IRAG1: variants seen among roughly 807,000 people sequenced by gnomAD.
The protein encoded by IRAG1 is inositol 1,4,5-triphosphate receptor associated 1.
IRAG1 carries 62 observed loss-of-function variants against 106.2 expected under a neutral mutation model. The ratio of observed to expected loss-of-function variants is 0.58; its 90% CI spans 0.48 to 0.72. IRAG1 has a LOEUF of 0.72. IRAG1 is among the 30% of genes least tolerant of loss of function. IRAG1 has a pLI of 0.00. For synonymous variants in IRAG1, 462 were observed against 443.9 expected (o/e 1.04, Z -0.51); for missense variants, 1,064 against 1,140.7 (o/e 0.93, Z 0.97).
rs1850803644 is a variant in IRAG1, at chr11:10,576,218, A to G, written c.*114T>C. The G allele has an allele frequency of 1.4e-6, 2 of 1,391,280 alleles. No individual in the cohort carries two copies. The highest frequency in any genetic ancestry group is 2.0e-6 in the Non-Finnish European group (2 of 1,017,578). 86.2% of individuals were successfully genotyped at this position (1,391,280 alleles called of 1,614,324 possible). On this transcript the variant is annotated 3_prime_UTR_variant, in exon 21 of 21. Coordinates refer to ENST00000423302, the MANE Select transcript of IRAG1 (RefSeq NM_130385.4). Reference sequence around the variant, plus strand: ...CCGAGTGTTAAAAGAACCCTTCCTCATGACCTGATGGGATGGGCGGCAGTG... The same window carrying G: ...CCGAGTGTTAAAAGAACCCTTCCTCGTGACCTGATGGGATGGGCGGCAGTG...
rs1369930245 is a variant in IRAG1, at chr11:10,634,054, T to C, written c.243A>G (p.Gly81=). ...SPAGQGPPAA[G]VSCSPTPTIV... is the part of the protein sequence containing the mutation. ...TCGTGGGAGTTGGACTGCAAGATAC[T>C]CCTGCGGCAGGAGGACCCTGCCGGT... Residue 81 remains glycine (G), a synonymous_variant, in exon 3 of 21, where the codon GGA becomes GGG. Transcript: ENST00000423302. The C allele has an allele frequency of 6.2e-7, 1 of 1,610,562 alleles. No homozygotes were observed. The highest frequency in any genetic ancestry group is 2.2e-5 in the East Asian group (1 of 44,798).
chr11:10,660,971 C>A (rs1254333362), intron 1 of IRAG1, among the ~76,000 whole-genome samples: 1 of 152,224 alleles, frequency 6.6e-6, no homozygotes, highest in African/African-American at 2.4e-5. Context: ...TGTCTCCTTA[C>A]CTCTGGCCTG....
At chr11:10,620,244 T>C (rs911289424) in intron 10 of IRAG1, among the ~76,000 whole-genome samples, 9 of 152,116 alleles carry the variant, frequency 5.9e-5, no homozygotes, top group African/African-American at 2.2e-4. Context: ...ATTGAAATAA[T>C]AGAAGACTTC....
intron 2 of IRAG1, among the ~76,000 whole-genome samples, chr11:10,645,018 C>T (rs1345432685): frequency 6.6e-6 from 1 of 152,116 alleles, no homozygotes; most frequent in Non-Finnish European, 1.5e-5. Context: ...GGGAGAAGGC[C>T]GTGGGAGAAC....
chr11:10,684,524 G>T (rs1458555352), intron 1 of IRAG1, among the ~76,000 whole-genome samples: 1 of 151,280 alleles, frequency 6.6e-6, no homozygotes, highest in African/African-American at 2.4e-5. Context: ...GAGTTAATGG[G>T]TGCAGCACAC....
chr11:10,672,353 G>A (rs754090290), intron 1 of IRAG1, among the ~76,000 whole-genome samples: 4 of 152,050 alleles, frequency 2.6e-5, no homozygotes, highest in African/African-American at 7.2e-5. Flanking sequence ...ACTTCATCGC[G>A]ATACAAAAAA....
In IRAG1 at chr11:10,629,693, A is replaced by G. The variant is rs776738586; in HGVS notation, c.419T>C (p.Ile140Thr). The change falls in exon 5 of 21, where the codon ATT (isoleucine) becomes ACT (threonine). Residue 140 changes from isoleucine (I) to threonine (T), a missense_variant. Ile to Thr is a moderately conservative substitution (Grantham distance 89). Coordinates refer to ENST00000423302, the MANE Select transcript of IRAG1 (RefSeq NM_130385.4). Reference protein sequence around the residue: ...LTSVDPAGHIIDLVNDQLPDI... With the variant: ...LTSVDPAGHITDLVNDQLPDI... ...TGGCAGCTGGTCATTCACCAGGTCA[A>G]TGATGTGCCCCGCGGGGTCTGCAGA... is the stretch of plus-strand genomic sequence containing the variant. 1.9e-6 allele frequency: 3 copies of G among 1,613,758 alleles called. No individual in the cohort carries two copies. Among genetic ancestry groups the G allele is most frequent in the East Asian group, 2.2e-5 (1 of 44,884 alleles).
At chr11:10,692,361 T>C (rs541475368) in intron 1 of IRAG1, among the ~76,000 whole-genome samples, 3 of 152,280 alleles carry the variant, frequency 2.0e-5, no homozygotes, top group South Asian at 2.1e-4. Context: ...GTTAGAGTCA[T>C]ACAAACTCAT....
At chr11:10,644,820 G>A (rs952591756) in intron 2 of IRAG1, among the ~76,000 whole-genome samples, 22 of 152,144 alleles carry the variant, frequency 1.4e-4, no homozygotes, top group African/African-American at 5.1e-4. Context: ...GGCAGCACAC[G>A]GTTCCCAAGG....
intron 2 of IRAG1, among the ~76,000 whole-genome samples, chr11:10,644,482 C>T (rs1857783485): frequency 6.6e-6 from 1 of 152,152 alleles, no homozygotes; most frequent in Admixed American, 6.5e-5. Flanking sequence ...AATTCAAAAT[C>T]CTCGATGGGA....
At chr11:10,651,097 C>T (rs1233766447) in intron 2 of IRAG1, among the ~76,000 whole-genome samples, 1 of 152,160 alleles carries the variant, frequency 6.6e-6, no homozygotes, top group African/African-American at 2.4e-5. Context: ...AGGACAATAC[C>T]ATTTCAATGC....
chr11:10,683,139 G>T (rs529371921), intron 1 of IRAG1, among the ~76,000 whole-genome samples: 2 of 152,262 alleles, frequency 1.3e-5, no homozygotes, highest in East Asian at 3.9e-4. Flanking sequence ...AGTGGTGCTG[G>T]TTCATGTATT....
At chr11:10,651,369 C>T (rs1025924492) in intron 2 of IRAG1, among the ~76,000 whole-genome samples, 5 of 152,140 alleles carry the variant, frequency 3.3e-5, no homozygotes, top group Admixed American at 2.0e-4. Flanking sequence ...ATGTGAAGAG[C>T]GAGTTACTAT....
intron 1 of IRAG1, among the ~76,000 whole-genome samples, chr11:10,678,093 T>C (rs1001951484): frequency 6.6e-6 from 1 of 152,238 alleles, no homozygotes; most frequent in Admixed American, 6.5e-5. Flanking sequence ...TAGACATTCG[T>C]GTTGTTTCCT....
intron 2 of IRAG1, among the ~76,000 whole-genome samples, chr11:10,650,245 C>T (rs867416051): frequency 1.3e-5 from 2 of 152,252 alleles, no homozygotes; most frequent in Middle Eastern, 3.4e-3. Flanking sequence ...GTCTAAGTGA[C>T]AGGTGTCTAT....
intron 1 of IRAG1, among the ~76,000 whole-genome samples, chr11:10,653,270 A>G (rs1040318399): frequency 2.6e-5 from 4 of 152,194 alleles, no homozygotes; most frequent in African/African-American, 4.8e-5. Context: ...CTGCAGAGAA[A>G]CAGAACTGGA....
rs527518306 is a variant in IRAG1, at chr11:10,607,627, G to T, written c.1572-855C>A. ...TGCTGGGGCGGGGAGGCCTGGGAGGGGTCCTACCAGCGTCACAGAACTTGG... is the reference window on the plus strand; with the variant it reads ...TGCTGGGGCGGGGAGGCCTGGGAGGTGTCCTACCAGCGTCACAGAACTTGG... On this transcript the variant is annotated intron_variant, in intron 11 of 20. Coordinates refer to ENST00000423302, the MANE Select transcript of IRAG1 (RefSeq NM_130385.4). Among the ~76,000 whole-genome samples, 13 of 151,122 alleles carry T rather than the reference G, an allele frequency of 8.6e-5. No individual in the cohort carries two copies. In the South Asian group the frequency reaches 2.5e-3, roughly 29 times the overall value.
chr11:10,624,190 G>C (rs548207808), intron 9 of IRAG1, among the ~76,000 whole-genome samples: 3 of 152,270 alleles, frequency 2.0e-5, no homozygotes, highest in African/African-American at 7.2e-5. Flanking sequence ...GGACACACAG[G>C]GGCAGAACTA....
intron 10 of IRAG1, among the ~76,000 whole-genome samples, chr11:10,619,351 G>C (rs1408824279): frequency 6.6e-6 from 1 of 152,164 alleles, no homozygotes; most frequent in African/African-American, 2.4e-5. Context: ...CATCATAAGA[G>C]ACTGGATTTT....
Sources: gnomAD v4.1 joint callset for allele counts (sites outside exome capture counted in the v4.1 genomes callset) on GRCh38, gnomAD v4.1.1 for gene constraint, MANE v1.5 for transcripts, NCBI Gene and HGNC (gene_info 2026-07-23, HGNC 2026-07-21) for gene names.